PCDHGA4: variants seen among roughly 807,000 people sequenced by gnomAD.
The protein encoded by PCDHGA4 is protocadherin gamma-A4.
Under a neutral mutation model 54.6 loss-of-function variants are expected in PCDHGA4, and 38 were observed. That is an observed-to-expected ratio of 0.70 (90% CI 0.54 to 0.91). The LOEUF is 0.91. PCDHGA4 is among the 40% of genes least tolerant of loss of function. The probability of loss-of-function intolerance (pLI) is 0.00; values close to 1 mark genes in which losing one functional copy is unlikely to be tolerated. For synonymous variants in PCDHGA4, 511 were observed against 512.9 expected, an observed-to-expected ratio of 1.00 and a Z score of 0.05; for missense variants, 1,298 against 1,220.9, an observed-to-expected ratio of 1.06 and a Z score of -0.94.
chr5:141,364,528 C>T (rs1445482375), intron 1 of PCDHGA4: 5 of 1,614,048 alleles, frequency 3.1e-6, no homozygotes, highest in Non-Finnish European at 2.5e-6. Context: ...GAGTCCGCAT[C>T]GTCTCCAGAG....
intron 1 of PCDHGA4, chr5:141,398,029 G>C (rs1363038637): frequency 2.7e-6 from 4 of 1,458,540 alleles, no homozygotes; most frequent in Non-Finnish European, 3.7e-6. Flanking sequence ...ACTGGAACTG[G>C]AACTAAAGCC....
intron 1 of PCDHGA4, chr5:141,371,397 A>G: frequency 6.2e-7 from 1 of 1,614,004 alleles, no homozygotes; most frequent in Non-Finnish European, 8.5e-7. Flanking sequence ...TAAAGTACAG[A>G]TAGATATTTC....
rs145569377 is a variant in PCDHGA4 at position 141,455,860 on chromosome 5, ATTATTTATTTATTTAT to A, written c.2515-38908_2515-38893del. Among the ~76,000 whole-genome samples, 551 of 139,848 alleles carry A rather than the reference ATTATTTATTTATTTAT, an allele frequency of 3.9e-3. 2 individuals carry two copies. The highest frequency in any genetic ancestry group is 9.7e-3 in the South Asian group (42 of 4,344). The allele number at this position is 139,848 out of a possible 152,430, so 91.7% of individuals were successfully genotyped here. ...CTATCTGCATAAAATAATTTCTTTTATTATTTATTTATTTATTTATTTATTTATTTATTTATTTATT... is the reference window on the plus strand; with the variant it reads ...CTATCTGCATAAAATAATTTCTTTTATTATTTATTTATTTATTTATTTATT... On this transcript the variant is annotated intron_variant, in intron 1 of 3. Transcript: ENST00000571252.
intron 1 of PCDHGA4, chr5:141,415,308 C>G (rs2154545628): frequency 6.2e-7 from 1 of 1,614,236 alleles, no homozygotes; most frequent in Non-Finnish European, 8.5e-7. Context: ...TCCTGGCCTT[C>G]GTCATCGTGC....
chr5:141,508,799 C>T (rs962590711), intron 3 of PCDHGA4, among the ~76,000 whole-genome samples: 1 of 152,110 alleles, frequency 6.6e-6, no homozygotes, highest in Non-Finnish European at 1.5e-5. Context: ...ACTCTGGAAT[C>T]CTGGCTCTTT....
intron 1 of PCDHGA4, chr5:141,409,997 G>C: frequency 1.2e-6 from 2 of 1,613,224 alleles, no homozygotes; most frequent in South Asian, 2.2e-5. Context: ...CGCCGACTCG[G>C]GACACAACGC....
intron 1 of PCDHGA4, chr5:141,375,397 C>T: frequency 6.2e-7 from 1 of 1,614,010 alleles, no homozygotes; most frequent in Non-Finnish European, 8.5e-7. Flanking sequence ...AAACAATCAT[C>T]TCTCTAAATG....
chr5:141,374,934 T>C (rs1296373171), intron 1 of PCDHGA4: 2 of 1,614,038 alleles, frequency 1.2e-6, no homozygotes, highest in Admixed American at 1.7e-5. Context: ...TTTGTGAAGA[T>C]TACAGAAAAG....
intron 3 of PCDHGA4, among the ~76,000 whole-genome samples, chr5:141,509,693 G>A (rs72790076): frequency 0.024 from 3,613 of 152,246 alleles, 55 homozygotes; most frequent in East Asian, 0.046. Flanking sequence ...ACAGTGGGAC[G>A]TTGGACTGGA....
intron 1 of PCDHGA4, chr5:141,441,551 T>C (rs2098254450): frequency 5.4e-6 from 1 of 184,050 alleles, no homozygotes; most frequent in African/African-American, 2.4e-5. Flanking sequence ...GCCTCCATAG[T>C]GTGCAAGTAG....
intron 1 of PCDHGA4, chr5:141,391,496 G>C (rs1256159469): frequency 6.6e-6 from 1 of 151,988 alleles, no homozygotes; most frequent in Non-Finnish European, 1.5e-5. Flanking sequence ...GTTTTCAGTA[G>C]AGAAAATATT....
intron 1 of PCDHGA4, chr5:141,365,775 G>A: frequency 1.9e-6 from 3 of 1,613,864 alleles, no homozygotes; most frequent in Non-Finnish European, 2.5e-6. Context: ...CCCGACAGCG[G>A]CGACAACGCT....
intron 1 of PCDHGA4, chr5:141,418,640 A>G (rs1042874136): frequency 1.2e-6 from 2 of 1,614,042 alleles, no homozygotes; most frequent in Non-Finnish European, 1.7e-6. Flanking sequence ...AGGCACCTCC[A>G]TCCTGAGAGT....
At position 141,487,610 on chromosome 5, in the gene PCDHGA4, C is replaced by A; in HGVS notation, c.2515-7197C>A. On this transcript the variant is annotated intron_variant, in intron 1 of 3. Transcript: ENST00000571252. The surrounding 1 kb of genome is among the most constrained non-coding windows in gnomAD (Gnocchi z 5.0). ...CCCACCCTCTGATCTTCTCTATGGG[C>A]TAGAGGTGAGACCTTTGCAGGCTCA... The A allele has an allele frequency of 6.2e-7, 1 of 1,614,190 alleles. No homozygotes were observed. The highest frequency in any genetic ancestry group is 1.1e-5 in the South Asian group (1 of 91,078).
At chr5:141,414,681 G>T (rs780836649) in intron 1 of PCDHGA4, 2 of 1,613,836 alleles carry the variant, frequency 1.2e-6, no homozygotes, top group Non-Finnish European at 8.5e-7. Flanking sequence ...CCATCCAGGG[G>T]GTACCTCTGT....
intron 1 of PCDHGA4, chr5:141,387,764 A>T: frequency 7.0e-7 from 1 of 1,430,464 alleles, no homozygotes; most frequent in Non-Finnish European, 9.3e-7. Context: ...AAAAAGAAGA[A>T]TTTTTTCTTG....
intron 1 of PCDHGA4, chr5:141,420,280 T>C: frequency 6.6e-7 from 1 of 1,513,274 alleles, no homozygotes; most frequent in Non-Finnish European, 8.9e-7. Context: ...AACAGGTAAG[T>C]ATTTAAAAAT....
intron 1 of PCDHGA4, chr5:141,404,186 C>A (rs767632448): frequency 1.2e-6 from 2 of 1,612,966 alleles, no homozygotes; most frequent in Middle Eastern, 1.6e-4. Flanking sequence ...AATTCTTGAC[C>A]GAGAAAAAGC....
At chr5:141,510,917 C>A in intron 3 of PCDHGA4, 30 bp from the exon 4 acceptor site, 2 of 1,613,854 alleles carry the variant, frequency 1.2e-6, no homozygotes, top group Non-Finnish European at 8.5e-7. Flanking sequence ...CTAAGTTTAG[C>A]TCCCACCTGA....
Sources: gnomAD v4.1 joint callset for allele counts (sites outside exome capture counted in the v4.1 genomes callset) on GRCh38, gnomAD v4.1.1 for gene constraint, Gnocchi (gnomAD v3.1) non-coding constraint, MANE v1.5 for transcripts, NCBI Gene and HGNC (gene_info 2026-07-23, HGNC 2026-07-21) for gene names.